The following WDR88 variants were observed in gnomAD, a reference collection of about 807,000 sequenced individuals.
WDR88 encodes WD repeat domain 88.
Under a neutral mutation model 46.8 loss-of-function variants are expected in WDR88, and 40 were observed. That is an observed-to-expected ratio of 0.86 (90% CI 0.66 to 1.11). The LOEUF (loss-of-function observed/expected upper bound fraction) is 1.11, where lower values mean the gene tolerates loss of function less well. WDR88 is among the 50% of genes most tolerant of loss of function. WDR88 has a pLI of 0.00. For missense variants in WDR88, 562 were observed against 602.4 expected, an observed-to-expected ratio of 0.93 and a Z score of 0.70; for synonymous variants, 235 against 240.7, an observed-to-expected ratio of 0.98 and a Z score of 0.22.
chr19:33,146,299 G>GA (rs1216061531), intron 3 of WDR88, among the ~76,000 whole-genome samples: 6 of 151,804 alleles, frequency 4.0e-5, no homozygotes, highest in African/African-American at 7.3e-5. Context: ...CGTCTTAAAA[G>GA]AAAAAATAAA....
chr19:33,144,748 CAGAGATAAGCTAAGGGCT>C, intron 2 of WDR88, 78 bp from the exon 3 acceptor site: 1 of 1,135,328 alleles, frequency 8.8e-7, no homozygotes, highest in Non-Finnish European at 1.3e-6. Context: ...ATTTTGCTAC[CAGAGATAAGCTAAGGGCT>C]AATGTTGACC....
chr19:33,157,584 T>C (rs1411626945), intron 7 of WDR88, among the ~76,000 whole-genome samples: 1 of 144,852 alleles, frequency 6.9e-6, no homozygotes, highest in East Asian at 2.0e-4. Context: ...TGTATATATA[T>C]GTATATATGT....
intron 7 of WDR88, among the ~76,000 whole-genome samples, chr19:33,159,155 A>G (rs1599906399): frequency 6.7e-6 from 1 of 148,692 alleles, no homozygotes; most frequent in Non-Finnish European, 1.5e-5. Flanking sequence ...ACATAGTGAG[A>G]CCCCATCTCT....
At chr19:33,146,776 C>T (rs1973527626) in intron 3 of WDR88, among the ~76,000 whole-genome samples, 1 of 152,156 alleles carries the variant, frequency 6.6e-6, no homozygotes, top group African/African-American at 2.4e-5. Context: ...CCTCAGCCTC[C>T]CAAAGTGTTG....
rs192355092 is a variant in WDR88, at chr19:33,164,385, C to T, written c.1149+120C>T. On this transcript the variant is annotated intron_variant, in intron 9 of 10. Transcript: ENST00000355868. ...GGTGAGCTGTACCTGACCGGGCCATCGTGTTCACGGAGCTGCCTGGGAATG... is the reference window on the plus strand; with the variant it reads ...GGTGAGCTGTACCTGACCGGGCCATTGTGTTCACGGAGCTGCCTGGGAATG... 9.2e-6 allele frequency: 8 copies of T among 872,100 alleles called. No individual in the cohort carries two copies. The Admixed American group carries it at 1.1e-4, about 12-fold the overall frequency. The allele number at this position is 872,100 out of a possible 1,614,324, so 54.0% of individuals were successfully genotyped here.
At chr19:33,159,378 A>G (rs557170832) in intron 7 of WDR88, among the ~76,000 whole-genome samples, 1 of 144,020 alleles carries the variant, frequency 6.9e-6, no homozygotes, top group Non-Finnish European at 1.5e-5. Context: ...AAATAAATAA[A>G]TAAATAACAA....
At chr19:33,172,288 T>G in intron 9 of WDR88, 60 bp from the exon 10 acceptor site, 2 of 1,375,070 alleles carry the variant, frequency 1.5e-6, no homozygotes, top group Non-Finnish European at 2.0e-6. Context: ...TTGAATGACA[T>G]TCCTTTGTAT....
chr19:33,137,550 C>T (rs995277137), intron 1 of WDR88, 127 bp from the exon 2 acceptor site: 1 of 830,470 alleles, frequency 1.2e-6, no homozygotes, highest in Non-Finnish European at 1.8e-6. Context: ...ACCCCCCTGG[C>T]CAGAATTTTT....
At chr19:33,171,440 T>G (rs1373003128) in intron 9 of WDR88, among the ~76,000 whole-genome samples, 1 of 152,178 alleles carries the variant, frequency 6.6e-6, no homozygotes, top group Non-Finnish European at 1.5e-5. Flanking sequence ...GTTACAAAAA[T>G]GACCCCTTTG....
intron 6 of WDR88, among the ~76,000 whole-genome samples, chr19:33,152,532 G>A (rs1973656133): frequency 2.0e-5 from 3 of 152,066 alleles, no homozygotes; most frequent in Non-Finnish European, 4.4e-5. Context: ...TTGTGATTAG[G>A]TTATTTCACT....
chr19:33,174,664 T>C, intron 10 of WDR88: 1 of 985,460 alleles, frequency 1.0e-6, no homozygotes, highest in African/African-American at 1.7e-5. Context: ...CATGGTTCTG[T>C]AAAAGTTGGG....
intron 8 of WDR88, among the ~76,000 whole-genome samples, chr19:33,163,613 G>A (rs960140348): frequency 1.3e-5 from 2 of 150,896 alleles, no homozygotes; most frequent in Non-Finnish European, 2.9e-5. Flanking sequence ...TGAAACCGAG[G>A]AAGTACAATG....
At position 33,175,600 on chromosome 19, in the gene WDR88, A is replaced by C; in HGVS notation, c.*28A>C. On this transcript the variant is annotated 3_prime_UTR_variant, in exon 11 of 11. Coordinates refer to ENST00000355868, the MANE Select transcript of WDR88 (RefSeq NM_173479.4). Reference sequence around the variant, plus strand: ...GCCACAGGCCCCTTTGAGTGACTCCAGCACAGGCTACCTAGCATGTAGGTT... The same window carrying C: ...GCCACAGGCCCCTTTGAGTGACTCCCGCACAGGCTACCTAGCATGTAGGTT... 6.2e-7 allele frequency: 1 copy of C among 1,613,374 alleles called. No individual in the cohort carries two copies. The highest frequency in any genetic ancestry group is 8.5e-7 in the Non-Finnish European group (1 of 1,179,718).
At chr19:33,133,878 G>A (rs943958487) in intron 1 of WDR88, among the ~76,000 whole-genome samples, 1 of 152,176 alleles carries the variant, frequency 6.6e-6, no homozygotes, top group East Asian at 1.9e-4. Context: ...TGTCTCCTCC[G>A]TGCCTCATGC....
chr19:33,148,048 C>T (rs911294694), intron 4 of WDR88, among the ~76,000 whole-genome samples: 2 of 151,818 alleles, frequency 1.3e-5, no homozygotes, highest in African/African-American at 2.4e-5. Flanking sequence ...TCCAGGCTCC[C>T]CGGTAAGATG....
intron 2 of WDR88, among the ~76,000 whole-genome samples, chr19:33,141,225 A>ATGTTTTTTT (rs1973384799): frequency 8.7e-5 from 6 of 69,270 alleles, no homozygotes; most frequent in African/African-American, 5.0e-4. Context: ...GTGTGGGAGC[A>ATGTTTTTTT]TGTTTTTTTT....
intron 2 of WDR88, among the ~76,000 whole-genome samples, chr19:33,143,995 G>C (rs923200764): frequency 1.3e-5 from 2 of 152,126 alleles, no homozygotes; most frequent in Non-Finnish European, 2.9e-5. Context: ...GGTCCACAGG[G>C]ATGGGGTCGT....
intron 6 of WDR88, among the ~76,000 whole-genome samples, chr19:33,155,583 G>A (rs1053961106): frequency 2.0e-5 from 3 of 152,144 alleles, no homozygotes; most frequent in Admixed American, 1.3e-4. Context: ...GAGAGGGGTG[G>A]AACAGGGGGA....
chr19:33,151,384 T>A (rs536590045), intron 6 of WDR88, 74 bp downstream of exon 6: 1 of 1,535,740 alleles, frequency 6.5e-7, no homozygotes, highest in African/African-American at 1.4e-5. Flanking sequence ...GAATTCCACA[T>A]AAGCCAGCAT....
Sources: allele counts gnomAD v4.1 joint callset (sites outside exome capture counted in the v4.1 genomes callset), GRCh38; gene constraint gnomAD v4.1.1; transcripts MANE v1.5; gene names NCBI Gene and HGNC (gene_info 2026-07-23, HGNC 2026-07-21).